TNFSF8: variants seen among roughly 807,000 people sequenced by gnomAD.
The protein encoded by TNFSF8 is tumor necrosis factor ligand superfamily member 8.
TNFSF8 carries 4 observed loss-of-function variants against 22.0 expected under a neutral mutation model. That is an observed-to-expected ratio of 0.18 (90% CI 0.09 to 0.42). TNFSF8 has a LOEUF of 0.42. Among genes scored for constraint, TNFSF8 ranks in the 10% least tolerant of loss-of-function variants. The probability of loss-of-function intolerance (pLI) is 1.00; values close to 1 mark genes in which losing one functional copy is unlikely to be tolerated. For missense variants in TNFSF8, 233 were observed against 281.8 expected (o/e 0.83, Z 1.24); for synonymous variants, 106 against 112.5 (o/e 0.94, Z 0.37).
rs779824385 is a variant in TNFSF8 at position 114,930,338 on chromosome 9, T to G, written c.-35A>C. 1.4e-6 allele frequency: 2 copies of G among 1,411,112 alleles called. No homozygotes were observed. Among genetic ancestry groups the G allele is most frequent in the Non-Finnish European group, 9.4e-7 (1 of 1,066,258 alleles). The allele number at this position is 1,411,112 out of a possible 1,614,324, so 87.4% of individuals were successfully genotyped here. A position where few individuals can be genotyped will look rare whatever the true frequency, so the allele number is the denominator to read the frequency against. ...AGTCTTCCCCACATCACACCTTATC[T>G]CTCTTCATCTGATTCAGTTCTGGGC... On this transcript the variant is annotated 5_prime_UTR_variant, in exon 1 of 4. Transcript: ENST00000223795.
chr9:114,926,967 A>T (rs1308563417), intron 1 of TNFSF8, among the ~76,000 whole-genome samples: 1 of 137,746 alleles, frequency 7.3e-6, no homozygotes, highest in Non-Finnish European at 1.6e-5. Context: ...AACATAAAAT[A>T]TTATTTTATA....
At chr9:114,925,763 T>TACCGATTG (rs1384509559) in intron 1 of TNFSF8, among the ~76,000 whole-genome samples, 1 of 152,186 alleles carries the variant, frequency 6.6e-6, no homozygotes, top group African/African-American at 2.4e-5. Flanking sequence ...CTTGAAAGCC[T>TACCGATTG]ACCGATTGTG....
At chr9:114,926,123 T>C (rs1828054876) in intron 1 of TNFSF8, among the ~76,000 whole-genome samples, 1 of 152,226 alleles carries the variant, frequency 6.6e-6, no homozygotes, top group African/African-American at 2.4e-5. Flanking sequence ...TTTCTTTCCA[T>C]ATTGATGTAA....
chr9:114,919,495 AC>A (rs994333214), intron 1 of TNFSF8, among the ~76,000 whole-genome samples: 1 of 152,110 alleles, frequency 6.6e-6, no homozygotes, highest in African/African-American at 2.4e-5. Flanking sequence ...TAAGTTTCAC[AC>A]CCTGATTGTC....
intron 1 of TNFSF8, among the ~76,000 whole-genome samples, chr9:114,921,973 C>G (rs1386897101): frequency 6.6e-6 from 1 of 152,134 alleles, no homozygotes; most frequent in Admixed American, 6.5e-5. Context: ...ACCTGTTTGT[C>G]TCCAGGTAAA....
At chr9:114,917,725 C>T (rs572037760) in intron 2 of TNFSF8, among the ~76,000 whole-genome samples, 11 of 152,272 alleles carry the variant, frequency 7.2e-5, no homozygotes, top group Non-Finnish European at 1.5e-4. Flanking sequence ...TATTATTATT[C>T]CCATTTAACA....
At chr9:114,894,376 G>T (rs1827637113) in intron 4 of TNFSF8, among the ~76,000 whole-genome samples, 1 of 152,100 alleles carries the variant, frequency 6.6e-6, no homozygotes, top group Non-Finnish European at 1.5e-5. Flanking sequence ...GAGCAATAAT[G>T]TCTGAGTTGA....
intron 1 of TNFSF8, among the ~76,000 whole-genome samples, chr9:114,924,043 A>G (rs1368754454): frequency 6.6e-6 from 1 of 152,224 alleles, no homozygotes; most frequent in Non-Finnish European, 1.5e-5. Flanking sequence ...AATCCAGGCT[A>G]TGAATGGATT....
rs184739382 is a variant in TNFSF8 at position 114,927,700 on chromosome 9, G to A, written c.195+2409C>T. Among the ~76,000 whole-genome samples the A allele has an allele frequency of 1.1e-3, 169 of 152,288 alleles. 2 individuals are homozygous for A. Among genetic ancestry groups the A allele is most frequent in the African/African-American group, 4.0e-3 (166 of 41,568 alleles). On this transcript the variant is annotated intron_variant, in intron 1 of 3. Coordinates refer to ENST00000223795, the MANE Select transcript of TNFSF8 (RefSeq NM_001244.4). Reference sequence around the variant, plus strand: ...ACACGTGCCTTGGGATAAGAATTGTGTGACTTCTTGTGCCAGTAAAACCAT... The same window carrying A: ...ACACGTGCCTTGGGATAAGAATTGTATGACTTCTTGTGCCAGTAAAACCAT...
chr9:114,906,273 A>G (rs145298418), intron 2 of TNFSF8, among the ~76,000 whole-genome samples: 338 of 152,292 alleles, frequency 2.2e-3, no homozygotes, highest in African/African-American at 7.7e-3. Flanking sequence ...ACAGATGGGA[A>G]AAAAATCTGG....
intron 1 of TNFSF8, among the ~76,000 whole-genome samples, chr9:114,926,090 C>T (rs1828054651): frequency 6.6e-6 from 1 of 152,174 alleles, no homozygotes. Context: ...TACAATTGTG[C>T]TTGCTCAACA....
In TNFSF8 at chr9:114,928,405, A is replaced by G. The variant is rs1355077531; in HGVS notation, c.195+1704T>C. Among the ~76,000 whole-genome samples the G allele has an allele frequency of 4.6e-5, 7 of 152,222 alleles. No homozygotes were observed. In the East Asian group the frequency reaches 1.3e-3, roughly 29 times the overall value. Reference sequence around the variant, plus strand: ...TTTTCCACATTTACAAAAATGAGGCAGAAAGATCTGCTCTGGTTCTTTTAT... The same window carrying G: ...TTTTCCACATTTACAAAAATGAGGCGGAAAGATCTGCTCTGGTTCTTTTAT... On this transcript the variant is annotated intron_variant, in intron 1 of 3. Transcript: ENST00000223795.
At chr9:114,907,896 G>A (rs1827803954) in intron 2 of TNFSF8, among the ~76,000 whole-genome samples, 1 of 152,180 alleles carries the variant, frequency 6.6e-6, no homozygotes, top group Admixed American at 6.5e-5. Context: ...ATTCACACAG[G>A]TAGTCAGGGG....
intron 1 of TNFSF8, among the ~76,000 whole-genome samples, chr9:114,918,836 T>C (rs1387233241): frequency 6.6e-6 from 1 of 152,206 alleles, no homozygotes; most frequent in African/African-American, 2.4e-5. Context: ...CCTGACCTTG[T>C]GGTCCACCCG....
At chr9:114,912,237 G>A (rs1441978039) in intron 2 of TNFSF8, among the ~76,000 whole-genome samples, 1 of 152,204 alleles carries the variant, frequency 6.6e-6, no homozygotes, top group Non-Finnish European at 1.5e-5. Context: ...GCATAAAAAT[G>A]AGCCTGGTGT....
chr9:114,897,700 C>A (rs1056643255), downstream of TNFSF8, among the ~76,000 whole-genome samples: 2 of 152,100 alleles, frequency 1.3e-5, no homozygotes, highest in African/African-American at 4.8e-5. Flanking sequence ...CTTCTGGTGG[C>A]TAGGCAGAGC....
At chr9:114,899,339 GTTA>G (rs1554775938), downstream of TNFSF8, among the ~76,000 whole-genome samples, 2 of 98,668 alleles carry the variant, frequency 2.0e-5, no homozygotes, top group Non-Finnish European at 3.7e-5. Flanking sequence ...TTCACAGTAA[GTTA>G]TTATTTTTTT....
At chr9:114,913,157 A>G (rs1368239212) in intron 2 of TNFSF8, among the ~76,000 whole-genome samples, 1 of 152,174 alleles carries the variant, frequency 6.6e-6, no homozygotes, top group Non-Finnish European at 1.5e-5. Context: ...TCTGCATTTC[A>G]TACCCCAACT....
chr9:114,896,427 G>A (rs940748909), downstream of TNFSF8, among the ~76,000 whole-genome samples: 12 of 152,268 alleles, frequency 7.9e-5, no homozygotes, highest in African/African-American at 2.4e-4. Context: ...GGGATTTCAG[G>A]ATTCTAAGGT....
Sources: allele counts gnomAD v4.1 joint callset (sites outside exome capture counted in the v4.1 genomes callset), GRCh38; gene constraint gnomAD v4.1.1; transcripts MANE v1.5; gene names NCBI Gene and HGNC (gene_info 2026-07-23, HGNC 2026-07-21).